Variants in GCFC2 observed in about 807,000 individuals in gnomAD.
GCFC2 encodes the protein GC-rich sequence DNA-binding factor 2.
Under a neutral mutation model 99.4 loss-of-function variants are expected in GCFC2, and 102 were observed. That is an observed-to-expected ratio of 1.03 (90% CI 0.87 to 1.21). GCFC2 has a LOEUF of 1.21. Among genes scored for constraint, GCFC2 ranks in the 50% most tolerant of loss-of-function variants. The pLI, the probability that GCFC2 is intolerant of heterozygous loss-of-function variation, is 0.00. For synonymous variants in GCFC2, 338 were observed against 316.8 expected, an observed-to-expected ratio of 1.07 and a Z score of -0.71; for missense variants, 973 against 920.9, an observed-to-expected ratio of 1.06 and a Z score of -0.73.
chr2:75,669,362 TTAA>T (rs766988452), intron 15 of GCFC2, among the ~76,000 whole-genome samples: 16 of 152,254 alleles, frequency 1.1e-4, no homozygotes, highest in East Asian at 7.7e-4. Flanking sequence ...TTCCCCAGTT[TTAA>T]TAATAATCAA....
chr2:75,677,470 T>C (rs981368571), intron 12 of GCFC2, among the ~76,000 whole-genome samples: 1 of 152,236 alleles, frequency 6.6e-6, no homozygotes, highest in Non-Finnish European at 1.5e-5. Context: ...TAGACATTTT[T>C]GGTTGTGAAG....
chr2:75,695,458 T>C (rs1014485979), intron 5 of GCFC2, among the ~76,000 whole-genome samples: 5 of 152,166 alleles, frequency 3.3e-5, no homozygotes, highest in African/African-American at 7.2e-5. Flanking sequence ...TTTGGTAATA[T>C]AGAAAAATGC....
intron 2 of GCFC2, among the ~76,000 whole-genome samples, chr2:75,703,057 T>C (rs1680681416): frequency 6.6e-6 from 1 of 152,190 alleles, no homozygotes; most frequent in Admixed American, 6.5e-5. Flanking sequence ...TGAAAAATTT[T>C]AAATGACAAC....
In GCFC2 at chr2:75,702,211, C is replaced by A; in HGVS notation, c.607G>T (p.Ala203Ser). 6.2e-7 allele frequency: 1 copy of A among 1,604,924 alleles called. No individual in the cohort carries two copies. Among genetic ancestry groups the A allele is most frequent in the Non-Finnish European group, 8.5e-7 (1 of 1,171,818 alleles). ...GGTAAATCCATACTTGATTCCTCAG[C>A]CATCCTTTGTCTAAGTGTTTGAGGT... ...LRPQTLRQRMAEESISRNEET... is the reference protein window; with the variant it reads ...LRPQTLRQRMSEESISRNEET... The change falls in exon 3 of 17, where the codon GCT becomes TCT. Residue 203 changes from alanine to serine, a missense_variant. Physicochemically the swap from Ala to Ser is moderately conservative, Grantham distance 99. Transcript: ENST00000321027.
chr2:75,678,529 T>A (rs1679443295), intron 12 of GCFC2, among the ~76,000 whole-genome samples: 1 of 152,124 alleles, frequency 6.6e-6, no homozygotes, highest in South Asian at 2.1e-4. Flanking sequence ...ACCCCTAAGA[T>A]AAATTATTTC....
chr2:75,695,618 A>G (rs1463706703), intron 5 of GCFC2, among the ~76,000 whole-genome samples: 1 of 152,210 alleles, frequency 6.6e-6, no homozygotes, highest in Non-Finnish European at 1.5e-5. Flanking sequence ...AATAATACCA[A>G]AGCCTATATA....
chr2:75,708,501 C>CTTTT (rs34414596), intron 1 of GCFC2, among the ~76,000 whole-genome samples: 15 of 78,638 alleles, frequency 1.9e-4, no homozygotes, highest in Non-Finnish European at 2.5e-4. Flanking sequence ...CATTTGGCAA[C>CTTTT]TTTTTTTTTT....
Position 75,673,532 on chromosome 2 carries a change from A to G in GCFC2, c.1813-12T>C, listed in dbSNP as rs184537584. ...GATTTAAGTAAATCCTATTATTACA[A>G]ATTTGAAAAGCATCAGTGATAGAAG... On this transcript the variant is annotated splice_polypyrimidine_tract_variant and intron_variant, in intron 12 of 16. Transcript: ENST00000321027. The G allele has an allele frequency of 2.9e-4, 316 of 1,084,614 alleles. No homozygotes were observed. The highest frequency in any genetic ancestry group is 2.8e-5 in the Non-Finnish European group (20 of 702,162). The allele number at this position is 1,084,614 out of a possible 1,614,324, so 67.2% of individuals were successfully genotyped here.
intron 11 of GCFC2, among the ~76,000 whole-genome samples, chr2:75,680,643 C>G (rs1239828269): frequency 6.6e-6 from 1 of 152,202 alleles, no homozygotes; most frequent in Non-Finnish European, 1.5e-5. Flanking sequence ...CTCTCTCTCT[C>G]TCTGTCTCTC....
intron 11 of GCFC2, among the ~76,000 whole-genome samples, chr2:75,686,864 C>T (rs1189229768): frequency 6.6e-6 from 1 of 152,134 alleles, no homozygotes; most frequent in Non-Finnish European, 1.5e-5. Flanking sequence ...AGACTTCATG[C>T]TAAGGTCTGA....
chr2:75,664,457 T>C lies in GCFC2; in HGVS notation c.*209A>G. 1 of 328,176 alleles carries C rather than the reference T, an allele frequency of 3.0e-6. No individual in the cohort carries two copies. Among genetic ancestry groups the C allele is most frequent in the Non-Finnish European group, 5.5e-6 (1 of 181,184 alleles). The allele number at this position is 328,176 out of a possible 1,614,324, so 20.3% of individuals were successfully genotyped here. A position where few individuals can be genotyped will look rare whatever the true frequency, so the allele number is the denominator to read the frequency against. On this transcript the variant is annotated 3_prime_UTR_variant, in exon 17 of 17. Transcript: ENST00000321027. ...GTTGAGCTCTTAAAGCTCCAGTGCATTTAATTCCTTAGAACACCACAGAAT... is the reference window on the plus strand; with the variant it reads ...GTTGAGCTCTTAAAGCTCCAGTGCACTTAATTCCTTAGAACACCACAGAAT...
intron 6 of GCFC2, among the ~76,000 whole-genome samples, chr2:75,693,734 A>T (rs1680186650): frequency 2.0e-5 from 3 of 152,062 alleles, no homozygotes; most frequent in Admixed American, 1.3e-4. Flanking sequence ...CAAAACCAGA[A>T]AAGAAAAAGA....
chr2:75,710,594 A>G lies in GCFC2; in HGVS notation c.262T>C (p.Ser88Pro). 6.6e-7 allele frequency: 1 copy of G among 1,513,078 alleles called. No homozygotes were observed. Among genetic ancestry groups the G allele is most frequent in the Non-Finnish European group, 8.8e-7 (1 of 1,137,720 alleles). The allele number at this position is 1,513,078 out of a possible 1,614,324, so 93.7% of individuals were successfully genotyped here. ...TTCCCCGCGTCTCCCTGGACACCTGAGCCTTCGTCCGCGCGGGGAGCCGCT... is the reference window on the plus strand; with the variant it reads ...TTCCCCGCGTCTCCCTGGACACCTGGGCCTTCGTCCGCGCGGGGAGCCGCT... ...TKAAPRADEG[S>P]ESRTLDVSTD... The change falls in exon 1 of 17, where the codon TCA (serine) becomes CCA (proline). Residue 88 changes from serine (S) to proline (P), a missense_variant. Physicochemically the swap from Ser to Pro is moderately conservative, Grantham distance 74 (BLOSUM62 -1). Coordinates refer to ENST00000321027, the MANE Select transcript of GCFC2 (RefSeq NM_003203.5).
intron 12 of GCFC2, among the ~76,000 whole-genome samples, chr2:75,675,159 G>C (rs1679279592): frequency 2.0e-5 from 3 of 152,142 alleles, no homozygotes; most frequent in Non-Finnish European, 1.5e-5. Context: ...ACTGGCAAAA[G>C]TGGAATATGG....
intron 11 of GCFC2, among the ~76,000 whole-genome samples, chr2:75,683,623 A>C (rs185485139): frequency 1.0e-3 from 153 of 152,240 alleles, no homozygotes; most frequent in African/African-American, 3.4e-3. Context: ...ATGGGCTAAA[A>C]GCCCCAATTA....
At chr2:75,712,612 G>T (rs1042084585), upstream of GCFC2, among the ~76,000 whole-genome samples, 1 of 151,116 alleles carries the variant, frequency 6.6e-6, no homozygotes, top group Admixed American at 6.6e-5. Context: ...TTGTTCTTTC[G>T]CTCTTTGCAA....
chr2:75,711,116 G>T, upstream of GCFC2: 1 of 1,266,824 alleles, frequency 7.9e-7, no homozygotes, highest in Non-Finnish European at 9.9e-7. Flanking sequence ...ACACCTTAGA[G>T]ATTTTCACGG....
intron 6 of GCFC2, among the ~76,000 whole-genome samples, chr2:75,693,541 G>T (rs1680180359): frequency 6.6e-6 from 1 of 151,946 alleles, no homozygotes; most frequent in African/African-American, 2.4e-5. Flanking sequence ...ACAACTGAAG[G>T]CCTGCCCCAA....
intron 6 of GCFC2, among the ~76,000 whole-genome samples, chr2:75,693,268 G>A (rs1167195558): frequency 2.0e-5 from 3 of 151,954 alleles, no homozygotes; most frequent in Non-Finnish European, 2.9e-5. Flanking sequence ...GCGAAACCCC[G>A]TCTCTACTAA....
Sources: gnomAD v4.1 joint callset for allele counts (sites outside exome capture counted in the v4.1 genomes callset) on GRCh38, gnomAD v4.1.1 for gene constraint, MANE v1.5 for transcripts, NCBI Gene and HGNC (gene_info 2026-07-23, HGNC 2026-07-21) for gene names.